GUCY1A2: variants seen among roughly 807,000 people sequenced by gnomAD.
GUCY1A2 encodes guanylate cyclase 1 soluble subunit alpha 2.
GUCY1A2 carries 27 observed loss-of-function variants against 63.5 expected under a neutral mutation model. The observed-to-expected ratio is 0.43, with a 90% CI of 0.31 to 0.59. The LOEUF (loss-of-function observed/expected upper bound fraction) is 0.59. GUCY1A2 is among the 20% of genes least tolerant of loss of function. The pLI is 0.11. For synonymous variants in GUCY1A2, 364 were observed against 343.5 expected (o/e 1.06, Z -0.66); for missense variants, 768 against 913.3 (o/e 0.84, Z 2.05).
chr11:106,850,472 T>A (rs1453485974), intron 4 of GUCY1A2, among the ~76,000 whole-genome samples: 2 of 151,770 alleles, frequency 1.3e-5, no homozygotes. Context: ...GTAATTTTTG[T>A]ATCTGTTAAC....
intron 5 of GUCY1A2, among the ~76,000 whole-genome samples, chr11:106,809,643 C>A (rs762739741): frequency 7.2e-5 from 11 of 151,882 alleles, no homozygotes; most frequent in Non-Finnish European, 1.6e-4. Flanking sequence ...AAATAAAATT[C>A]TTAGTTTATA....
At chr11:107,012,188 A>G (rs1441812347) in intron 1 of GUCY1A2, among the ~76,000 whole-genome samples, 2 of 152,114 alleles carry the variant, frequency 1.3e-5, no homozygotes, top group African/African-American at 4.8e-5. Flanking sequence ...CAGGGGCCAA[A>G]AAGGGACTCC....
rs67190015 is a variant in GUCY1A2, at chr11:106,971,219, ATG to A, written c.487+7398_487+7399del. 1.8e-3 allele frequency among the ~76,000 whole-genome samples: 272 copies of A among 149,196 alleles called. 3 individuals carry two copies. Among genetic ancestry groups the A allele is most frequent in the Non-Finnish European group, 2.8e-3 (186 of 67,108 alleles). On this transcript the variant is annotated intron_variant, in intron 3 of 7. Coordinates refer to ENST00000526355, the MANE Select transcript of GUCY1A2 (RefSeq NM_000855.3). Reference sequence around the variant, plus strand: ...CTAAACTTACTGTATACAAATTTAAATGTGTGTGTGTGTGTGTGTGTGTGTTT... The same window carrying A: ...CTAAACTTACTGTATACAAATTTAAATGTGTGTGTGTGTGTGTGTGTGTTT...
chr11:106,934,891 G>C (rs903089739), intron 4 of GUCY1A2, among the ~76,000 whole-genome samples: 2 of 152,142 alleles, frequency 1.3e-5, no homozygotes, highest in Admixed American at 6.6e-5. Flanking sequence ...AAAATCCGTT[G>C]CTGCTTCAGG....
intron 4 of GUCY1A2, among the ~76,000 whole-genome samples, chr11:106,896,173 ATAAAT>A (rs1339235363): frequency 6.6e-6 from 1 of 152,060 alleles, no homozygotes; most frequent in Non-Finnish European, 1.5e-5. Flanking sequence ...ATATTTAAAA[ATAAAT>A]TAATGTAATC....
At chr11:106,708,471 C>A in intron 7 of GUCY1A2, 41 bp downstream of exon 7, 1 of 1,560,398 alleles carries the variant, frequency 6.4e-7, no homozygotes, top group South Asian at 1.1e-5. Context: ...CAGCCCAAAA[C>A]AAAGGCCAAG....
At chr11:106,919,320 T>C (rs1860410251) in intron 4 of GUCY1A2, among the ~76,000 whole-genome samples, 2 of 152,280 alleles carry the variant, frequency 1.3e-5, no homozygotes, top group African/African-American at 2.4e-5. Context: ...ATGATGACTA[T>C]AGTTAACAAT....
At chr11:106,822,972 T>C (rs563202237) in intron 4 of GUCY1A2, among the ~76,000 whole-genome samples, 2 of 152,182 alleles carry the variant, frequency 1.3e-5, no homozygotes, top group South Asian at 4.1e-4. Flanking sequence ...TTAAAAAATG[T>C]AGATTCTAGT....
intron 6 of GUCY1A2, among the ~76,000 whole-genome samples, chr11:106,757,419 G>A (rs1863993739): frequency 1.3e-5 from 2 of 152,120 alleles, no homozygotes; most frequent in African/African-American, 4.8e-5. Flanking sequence ...ATCCTCTGGA[G>A]GAGAAAAGGC....
intron 4 of GUCY1A2, chr11:106,827,178 C>A: frequency 6.7e-7 from 1 of 1,501,974 alleles, no homozygotes; most frequent in Non-Finnish European, 9.3e-7. Flanking sequence ...AGCCTTCATG[C>A]CAATCTGGTC....
chr11:106,834,960 T>C (rs1015697432), intron 4 of GUCY1A2, among the ~76,000 whole-genome samples: 1 of 151,946 alleles, frequency 6.6e-6, no homozygotes, highest in African/African-American at 2.4e-5. Context: ...TTCTCTTACA[T>C]GGAATATATC....
chr11:107,017,676 C>T (rs1044970918), intron 1 of GUCY1A2, 77 bp downstream of exon 1: 4 of 882,518 alleles, frequency 4.5e-6, no homozygotes, highest in Non-Finnish European at 1.5e-6. Flanking sequence ...CGCTCGCGCC[C>T]CGGCTCGCCC....
intron 2 of GUCY1A2, among the ~76,000 whole-genome samples, chr11:106,985,000 T>TA (rs1246110782): frequency 2.6e-5 from 4 of 152,168 alleles, no homozygotes; most frequent in Non-Finnish European, 5.9e-5. Flanking sequence ...ATCAAGCACT[T>TA]AAAGTATACG....
chr11:106,960,063 T>C (rs956821085), intron 3 of GUCY1A2, among the ~76,000 whole-genome samples: 10 of 152,208 alleles, frequency 6.6e-5, no homozygotes, highest in Non-Finnish European at 1.2e-4. Flanking sequence ...TCTTTCCACA[T>C]AGTTCTCATT....
intron 7 of GUCY1A2, among the ~76,000 whole-genome samples, chr11:106,706,409 G>A (rs1480168659): frequency 1.3e-5 from 2 of 152,114 alleles, no homozygotes; most frequent in Non-Finnish European, 2.9e-5. Flanking sequence ...ACAACAGTAA[G>A]CTTCAGTGTA....
chr11:106,708,490 G>C (rs780839805), intron 7 of GUCY1A2, 22 bp downstream of exon 7: 2 of 1,596,496 alleles, frequency 1.3e-6, no homozygotes, highest in African/African-American at 2.7e-5. Context: ...AGACAGGAAG[G>C]AGGAGGCCAG....
At chr11:106,747,283 C>T (rs1156477477) in intron 6 of GUCY1A2, among the ~76,000 whole-genome samples, 1 of 146,626 alleles carries the variant, frequency 6.8e-6, no homozygotes, top group African/African-American at 2.4e-5. Context: ...CCACCGCGCC[C>T]GGCCCATGAA....
chr11:106,776,020 A>G (rs1000099340), intron 6 of GUCY1A2, among the ~76,000 whole-genome samples: 22 of 152,294 alleles, frequency 1.4e-4, no homozygotes, highest in African/African-American at 5.1e-4. Flanking sequence ...CTGAGGTCTG[A>G]TGTTTCACAA....
intron 4 of GUCY1A2, among the ~76,000 whole-genome samples, chr11:106,886,522 T>C (rs1230210202): frequency 6.6e-6 from 1 of 152,198 alleles, no homozygotes; most frequent in Non-Finnish European, 1.5e-5. Context: ...GTATATGATA[T>C]TTGTATATGT....
Sources: gnomAD v4.1 joint callset for allele counts (sites outside exome capture counted in the v4.1 genomes callset) on GRCh38, gnomAD v4.1.1 for gene constraint, MANE v1.5 for transcripts, NCBI Gene and HGNC (gene_info 2026-07-23, HGNC 2026-07-21) for gene names.